ATG14: variants seen among roughly 807,000 people sequenced by gnomAD.
ATG14 encodes the protein beclin 1-associated autophagy-related key regulator.
Under a neutral mutation model 60.4 loss-of-function variants are expected in ATG14, and 35 were observed. That is an observed-to-expected ratio of 0.58 (90% CI 0.44 to 0.77). ATG14 has a LOEUF of 0.77. ATG14 is among the 30% of genes least tolerant of loss of function. The pLI is 0.00. For synonymous variants in ATG14, 234 were observed against 228.8 expected (o/e 1.02, Z -0.21); for missense variants, 647 against 626.3 (o/e 1.03, Z -0.35).
Position 55,367,059 on chromosome 14 carries a change from T to C in ATG14, c.*2560A>G, listed in dbSNP as rs1160312314. Reference sequence around the variant, plus strand: ...TTGATATTAACAACAACAAACAAAATATATCCTATCCATAAAGTTCCCACA... The same window carrying C: ...TTGATATTAACAACAACAAACAAAACATATCCTATCCATAAAGTTCCCACA... On this transcript the variant is annotated 3_prime_UTR_variant, in exon 10 of 10. Transcript: ENST00000247178. 6.6e-6 allele frequency: 1 copy of C among 152,632 alleles called. No homozygotes were observed. The highest frequency in any genetic ancestry group is 1.5e-5 in the Non-Finnish European group (1 of 68,022). 9.5% of individuals were successfully genotyped at this position (152,632 alleles called of 1,614,324 possible).
At position 55,369,260 on chromosome 14, in the gene ATG14, C is replaced by T. The variant is rs1240208573; in HGVS notation, c.*359G>A. 5.8e-6 allele frequency: 1 copy of T among 172,016 alleles called. No individual in the cohort carries two copies. Among genetic ancestry groups the T allele is most frequent in the African/African-American group, 2.4e-5 (1 of 40,990 alleles). 10.7% of individuals were successfully genotyped at this position (172,016 alleles called of 1,614,324 possible). A position where few individuals can be genotyped will look rare whatever the true frequency, so the allele number is the denominator to read the frequency against. ...AGTGTCAGGAACAGTCTCAGCACCG[C>T]AAGGACCAGCACACTGACCCATATC... On this transcript the variant is annotated 3_prime_UTR_variant, in exon 10 of 10. Coordinates refer to ENST00000247178, the MANE Select transcript of ATG14 (RefSeq NM_014924.5).
Position 55,369,659 on chromosome 14 carries a change from G to A in ATG14, c.1439C>T (p.Ser480Leu), listed in dbSNP as rs770614734. ...GTAAGCTTTAAACCAGGAGGTCACCGAGGCTGCTGCAGAGGAGATCATCCC... is the reference window on the plus strand; with the variant it reads ...GTAAGCTTTAAACCAGGAGGTCACCAAGGCTGCTGCAGAGGAGATCATCCC... The part of the protein sequence containing the change: ...AGGMISSAAA[S>L]VTSWFKAYTG... Residue 480 changes from serine to leucine, a missense_variant, in exon 10 of 10, where the codon TCG becomes TTG. Transcript: ENST00000247178. 8.4e-6 allele frequency: 13 copies of A among 1,552,816 alleles called. No homozygotes were observed. Among genetic ancestry groups the A allele is most frequent in the Admixed American group, 1.9e-5 (1 of 52,110 alleles).
intron 7 of ATG14, among the ~76,000 whole-genome samples, 163 bp downstream of exon 7, chr14:55,380,410 T>C (rs1885006046): frequency 3.3e-5 from 5 of 152,184 alleles, no homozygotes. Flanking sequence ...ATGAAACGAA[T>C]CTGCACATAA....
intron 9 of ATG14, among the ~76,000 whole-genome samples, chr14:55,372,566 CCTT>C (rs1044738686): frequency 6.9e-6 from 1 of 144,404 alleles, no homozygotes; most frequent in South Asian, 2.1e-4. Flanking sequence ...TCCCTCCCTC[CCTT>C]CTTTCCATCC....
At chr14:55,407,844 C>T (rs767618763) in intron 1 of ATG14, among the ~76,000 whole-genome samples, 1 of 152,042 alleles carries the variant, frequency 6.6e-6, no homozygotes, top group Non-Finnish European at 1.5e-5. Context: ...CAGGAAAGGC[C>T]TCACCGAAGA....
chr14:55,398,398 T>C (rs938246488), intron 1 of ATG14, among the ~76,000 whole-genome samples: 8 of 152,242 alleles, frequency 5.3e-5, no homozygotes, highest in African/African-American at 1.7e-4. Flanking sequence ...TTAAATATAA[T>C]CACATGAAGT....
Position 55,377,847 on chromosome 14 carries a change from C to A in ATG14, c.1144G>T (p.Val382Phe), listed in dbSNP as rs767136608. 1 of 1,600,092 alleles carries A rather than the reference C, an allele frequency of 6.2e-7. No homozygotes were observed. The highest frequency in any genetic ancestry group is 8.5e-7 in the Non-Finnish European group (1 of 1,175,962). The change falls in exon 9 of 10, where the codon GTC becomes TTC. Residue 382 changes from valine to phenylalanine, a missense_variant. Physicochemically the swap from Val to Phe is conservative, Grantham distance 50 (BLOSUM62 -1). Coordinates refer to ENST00000247178, the MANE Select transcript of ATG14 (RefSeq NM_014924.5). ...LHTLRNLMYLVSPSSEHLGRS... is the reference protein window; with the variant it reads ...LHTLRNLMYLFSPSSEHLGRS... ...CCTAGGTGTTCAGAGCTTGGACTGACCAGGTACATTAGATTCCTGAGGGTA... is the reference window on the plus strand; with the variant it reads ...CCTAGGTGTTCAGAGCTTGGACTGAACAGGTACATTAGATTCCTGAGGGTA...
chr14:55,390,766 G>A, intron 4 of ATG14, 145 bp downstream of exon 4: 1 of 613,980 alleles, frequency 1.6e-6, no homozygotes, highest in Non-Finnish European at 2.9e-6. Flanking sequence ...TGTTTTACAA[G>A]GAAAGATGAG....
chr14:55,388,324 C>A (rs1885159197), intron 4 of ATG14, among the ~76,000 whole-genome samples: 1 of 152,168 alleles, frequency 6.6e-6, no homozygotes, highest in Admixed American at 6.5e-5. Context: ...GGGGAAGATC[C>A]ATTTCAAATT....
chr14:55,376,253 C>G (rs1055442407), intron 9 of ATG14, among the ~76,000 whole-genome samples: 3 of 152,128 alleles, frequency 2.0e-5, no homozygotes, highest in Non-Finnish European at 2.9e-5. Flanking sequence ...AGTGGTTGGC[C>G]TTGTGTCAAT....
chr14:55,411,720 C>T lies in ATG14; in HGVS notation c.103G>A (p.Gly35Arg). 6.2e-7 allele frequency: 1 copy of T among 1,612,362 alleles called. No individual in the cohort carries two copies. Among genetic ancestry groups the T allele is most frequent in the Non-Finnish European group, 8.5e-7 (1 of 1,179,500 alleles). The change falls in exon 1 of 10, where the codon GGG (glycine) becomes AGG (arginine). Residue 35 changes from glycine to arginine, a missense_variant. Physicochemically the swap from Gly to Arg is moderately radical, Grantham distance 125. Coordinates refer to ENST00000247178, the MANE Select transcript of ATG14 (RefSeq NM_014924.5). ...CAGCGCTCCACAGCCACGTACAGCCCCTCCGCATCGTCCACGGAGTCCACC... is the reference window on the plus strand; with the variant it reads ...CAGCGCTCCACAGCCACGTACAGCCTCTCCGCATCGTCCACGGAGTCCACC... ...DLVDSVDDAE[G>R]LYVAVERCPL... is the part of the protein sequence containing the mutation.
At chr14:55,370,603 C>T (rs1884792450) in intron 9 of ATG14, among the ~76,000 whole-genome samples, 1 of 151,866 alleles carries the variant, frequency 6.6e-6, no homozygotes, top group South Asian at 2.1e-4. Flanking sequence ...CACCTCAGCA[C>T]AGGGAACCGA....
At chr14:55,384,082 G>A (rs1885082264) in intron 5 of ATG14, among the ~76,000 whole-genome samples, 1 of 152,164 alleles carries the variant, frequency 6.6e-6, no homozygotes, top group African/African-American at 2.4e-5. Context: ...CTGTACTGCT[G>A]CGTCTCCCTT....
At chr14:55,394,391 C>T (rs1396432795) in intron 3 of ATG14, among the ~76,000 whole-genome samples, 4 of 152,178 alleles carry the variant, frequency 2.6e-5, no homozygotes, top group South Asian at 2.1e-4. Context: ...TCTTAATATA[C>T]ATACCCAAAA....
chr14:55,374,816 T>C (rs1884888346), intron 9 of ATG14, among the ~76,000 whole-genome samples: 1 of 152,210 alleles, frequency 6.6e-6, no homozygotes. Context: ...TATTTCCACA[T>C]ATACAAGAGT....
At chr14:55,379,981 G>A (rs979394903) in intron 7 of ATG14, among the ~76,000 whole-genome samples, 1 of 152,102 alleles carries the variant, frequency 6.6e-6, no homozygotes, top group African/African-American at 2.4e-5. Flanking sequence ...GGGCACAGTG[G>A]CTCACCTGTA....
Position 55,400,552 on chromosome 14 carries a change from G to A in ATG14, c.222-3118C>T, listed in dbSNP as rs141014273. Reference sequence around the variant, plus strand: ...CACTATGATCAGTAACGATACAAGTGAATAGCCTAGTGCACTTTTATAGGC... The same window carrying A: ...CACTATGATCAGTAACGATACAAGTAAATAGCCTAGTGCACTTTTATAGGC... On this transcript the variant is annotated intron_variant, in intron 1 of 9. Coordinates refer to ENST00000247178, the MANE Select transcript of ATG14 (RefSeq NM_014924.5). 1.1e-3 allele frequency among the ~76,000 whole-genome samples: 174 copies of A among 152,260 alleles called. 1 individual carries two copies. The highest frequency in any genetic ancestry group is 4.0e-3 in the African/African-American group (168 of 41,534).
At chr14:55,391,586 G>T (rs75342997) in intron 3 of ATG14, among the ~76,000 whole-genome samples, 8,856 of 152,144 alleles carry the variant, frequency 0.058, 326 homozygotes, top group South Asian at 0.089. Flanking sequence ...ACCCGCTCTA[G>T]CTATATAGCT....
At chr14:55,373,328 A>G (rs558144490) in intron 9 of ATG14, among the ~76,000 whole-genome samples, 13 of 152,268 alleles carry the variant, frequency 8.5e-5, no homozygotes, top group Non-Finnish European at 1.9e-4. Flanking sequence ...AGTCACTTTT[A>G]TAATATATCC....
Sources: gnomAD v4.1 joint callset for allele counts (sites outside exome capture counted in the v4.1 genomes callset) on GRCh38, gnomAD v4.1.1 for gene constraint, MANE v1.5 for transcripts, NCBI Gene and HGNC (gene_info 2026-07-23, HGNC 2026-07-21) for gene names.